PARD3: variants seen among roughly 807,000 people sequenced by gnomAD.
PARD3 encodes par-3 family cell polarity regulator.
In PARD3, 75 loss-of-function variants were observed where a neutral mutation model predicts 155.4. That is an observed-to-expected ratio of 0.48 (90% CI 0.40 to 0.58). The LOEUF (loss-of-function observed/expected upper bound fraction) is 0.58, where lower values mean the gene tolerates loss of function less well. PARD3 is among the 20% of genes least tolerant of loss of function. The probability of loss-of-function intolerance (pLI) is 0.00; values close to 1 mark genes in which losing one functional copy is unlikely to be tolerated. For synonymous variants in PARD3, 576 were observed against 610.5 expected, an observed-to-expected ratio of 0.94 and a Z score of 0.83; for missense variants, 1,642 against 1,721.7, an observed-to-expected ratio of 0.95 and a Z score of 0.82.
chr10:34,478,599 A>G (rs764299672), intron 3 of PARD3, among the ~76,000 whole-genome samples: 1 of 152,184 alleles, frequency 6.6e-6, no homozygotes, highest in Non-Finnish European at 1.5e-5. Flanking sequence ...GCTGGAGTGT[A>G]ATGGTGCGAT....
chr10:34,518,299 C>T (rs2081917695), intron 2 of PARD3, among the ~76,000 whole-genome samples: 1 of 152,214 alleles, frequency 6.6e-6, no homozygotes. Flanking sequence ...ACACAGAGAT[C>T]CTAGAAACAA....
At chr10:34,810,945 C>G (rs1381974828) in intron 1 of PARD3, among the ~76,000 whole-genome samples, 1 of 151,988 alleles carries the variant, frequency 6.6e-6, no homozygotes, top group Non-Finnish European at 1.5e-5. Context: ...TCCCCTATAC[C>G]CAAGGTTAAA....
chr10:34,284,446 GAA>G (rs1440781835), intron 20 of PARD3, among the ~76,000 whole-genome samples: 2 of 152,138 alleles, frequency 1.3e-5, no homozygotes, highest in Non-Finnish European at 2.9e-5. Flanking sequence ...ACTTCCCAGA[GAA>G]AACTCTTGAG....
At chr10:34,722,095 G>A (rs987444005) in intron 1 of PARD3, among the ~76,000 whole-genome samples, 2 of 152,156 alleles carry the variant, frequency 1.3e-5, no homozygotes, top group Admixed American at 6.5e-5. Context: ...CAGAGGCTAA[G>A]GTAGGAGGAC....
intron 5 of PARD3, among the ~76,000 whole-genome samples, chr10:34,442,336 C>A (rs773964): frequency 0.72 from 109,886 of 152,096 alleles, 40,662 homozygotes; most frequent in African/African-American, 0.88. Context: ...CTATATCAGA[C>A]TTTCTATAGC....
chr10:34,649,184 C>T (rs1433097310), intron 2 of PARD3, among the ~76,000 whole-genome samples: 2 of 152,166 alleles, frequency 1.3e-5, no homozygotes, highest in Admixed American at 6.5e-5. Flanking sequence ...AGGACTCACA[C>T]CTGTAATCTC....
chr10:34,800,194 A>T (rs2134323720), intron 1 of PARD3, among the ~76,000 whole-genome samples: 1 of 152,150 alleles, frequency 6.6e-6, no homozygotes, highest in South Asian at 2.1e-4. Flanking sequence ...TCATCTGTAA[A>T]CTCTGGATTA....
At chr10:34,160,069 C>T (rs574424196) in intron 22 of PARD3, among the ~76,000 whole-genome samples, 29 of 150,752 alleles carry the variant, frequency 1.9e-4, no homozygotes, top group African/African-American at 6.2e-4. Context: ...TCAAAAGAGA[C>T]TAAAGTATTT....
At chr10:34,560,259 T>G (rs911973565) in intron 2 of PARD3, among the ~76,000 whole-genome samples, 4 of 152,322 alleles carry the variant, frequency 2.6e-5, no homozygotes, top group African/African-American at 9.6e-5. Flanking sequence ...CTCTGAATTT[T>G]TTTTCAATAG....
chr10:34,586,362 C>T (rs867014107), intron 2 of PARD3, among the ~76,000 whole-genome samples: 4 of 151,974 alleles, frequency 2.6e-5, no homozygotes, highest in Admixed American at 1.3e-4. Context: ...TACCTTGTAA[C>T]TGAAAAAACA....
intron 1 of PARD3, among the ~76,000 whole-genome samples, chr10:34,716,583 TTC>T (rs1491507684): frequency 5.3e-5 from 4 of 75,442 alleles, no homozygotes; most frequent in East Asian, 3.1e-4. Context: ...AGGATGGCTT[TTC>T]TTTTTTTTTT....
At chr10:34,302,464 T>A (rs969694456) in intron 20 of PARD3, among the ~76,000 whole-genome samples, 4 of 152,128 alleles carry the variant, frequency 2.6e-5, no homozygotes, top group Admixed American at 2.6e-4. Context: ...GTTAATTAAC[T>A]GGCCCCACAC....
chr10:34,286,001 C>T (rs140856072), intron 20 of PARD3, among the ~76,000 whole-genome samples: 1 of 152,160 alleles, frequency 6.6e-6, no homozygotes, highest in Non-Finnish European at 1.5e-5. Context: ...AACTGAAATC[C>T]AGAATCTGAC....
intron 1 of PARD3, among the ~76,000 whole-genome samples, chr10:34,739,235 C>T (rs1206716471): frequency 6.6e-6 from 1 of 152,110 alleles, no homozygotes; most frequent in Admixed American, 6.5e-5. Context: ...TTAAAGTCAA[C>T]GTTGGTTCAT....
At chr10:34,688,154 T>C (rs2093983991) in intron 2 of PARD3, among the ~76,000 whole-genome samples, 1 of 152,192 alleles carries the variant, frequency 6.6e-6, no homozygotes, top group African/African-American at 2.4e-5. Flanking sequence ...CGCCTGGCTC[T>C]GAAATCTTTG....
intron 22 of PARD3, among the ~76,000 whole-genome samples, chr10:34,161,717 C>T (rs1229246471): frequency 2.0e-5 from 3 of 152,172 alleles, no homozygotes; most frequent in Non-Finnish European, 4.4e-5. Context: ...ATTCGCTGTT[C>T]ATTTCAAGAC....
intron 5 of PARD3, among the ~76,000 whole-genome samples, chr10:34,423,567 A>C (rs1275454790): frequency 6.6e-6 from 1 of 152,184 alleles, no homozygotes. Context: ...CAAGTCGTGC[A>C]CAATATATAC....
At chr10:34,492,873 T>C (rs1311915027) in intron 3 of PARD3, among the ~76,000 whole-genome samples, 1 of 152,218 alleles carries the variant, frequency 6.6e-6, no homozygotes, top group African/African-American at 2.4e-5. Flanking sequence ...AAACTACCAA[T>C]ATAGTAGCTG....
intron 15 of PARD3, chr10:34,345,634 T>C (rs1441850213): frequency 4.1e-6 from 4 of 985,288 alleles, no homozygotes; most frequent in Non-Finnish European, 4.8e-6. Context: ...TCCAAAGTCC[T>C]AATGTCTTTG....
Sources: allele counts gnomAD v4.1 joint callset (sites outside exome capture counted in the v4.1 genomes callset), GRCh38; gene constraint gnomAD v4.1.1; transcripts MANE v1.5; gene names NCBI Gene and HGNC (gene_info 2026-07-23, HGNC 2026-07-21).